The following CHCHD3 variants were observed in gnomAD, a reference collection of about 807,000 sequenced individuals.
CHCHD3 encodes the protein MICOS complex subunit MIC19.
CHCHD3 carries 20 observed loss-of-function variants against 38.2 expected under a neutral mutation model. The ratio of observed to expected loss-of-function variants is 0.52; its 90% CI spans 0.37 to 0.76. The LOEUF (loss-of-function observed/expected upper bound fraction) is 0.76, where lower values mean the gene tolerates loss of function less well. Among genes scored for constraint, CHCHD3 ranks in the 30% least tolerant of loss-of-function variants. The pLI, the probability that CHCHD3 is intolerant of heterozygous loss-of-function variation, is 0.00. For missense variants in CHCHD3, 245 were observed against 279.2 expected, an observed-to-expected ratio of 0.88 and a Z score of 0.87; for synonymous variants, 82 against 100.0, an observed-to-expected ratio of 0.82 and a Z score of 1.07.
chr7:132,912,840 C>T (rs541580737), intron 4 of CHCHD3, among the ~76,000 whole-genome samples: 5 of 152,362 alleles, frequency 3.3e-5, no homozygotes, highest in African/African-American at 1.2e-4. Context: ...CAGGCATGAG[C>T]CACTGCGCCC....
rs1317738736 is a variant in CHCHD3, at chr7:132,875,308, C to T, written c.453+10354G>A. 3.3e-5 allele frequency among the ~76,000 whole-genome samples: 5 copies of T among 152,216 alleles called. No individual in the cohort carries two copies. In the South Asian group the frequency reaches 6.2e-4, roughly 19 times the overall value. ...CCATGGAACCCACCCCATTCCTGGA[C>T]GAACACATTAATTTTAAAAAAATTT... On this transcript the variant is annotated intron_variant, in intron 5 of 7. Transcript: ENST00000262570.
At chr7:132,988,297 A>C (rs1384688120) in intron 3 of CHCHD3, among the ~76,000 whole-genome samples, 5 of 134,096 alleles carry the variant, frequency 3.7e-5, no homozygotes, top group African/African-American at 1.0e-4. Flanking sequence ...ACACACACAC[A>C]CACCCACACA....
Position 132,811,950 on chromosome 7 carries a change from A to T in CHCHD3, c.525-15373T>A, listed in dbSNP as rs570357972. Among the ~76,000 whole-genome samples the T allele has an allele frequency of 2.0e-5, 3 of 152,248 alleles. No homozygotes were observed. In the South Asian group the frequency reaches 6.2e-4, roughly 32 times the overall value. Reference sequence around the variant, plus strand: ...TTTGTATCTCTAGCCCAGCCCTCTTATAGGTGACTGACTATTGCTATTTAC... The same window carrying T: ...TTTGTATCTCTAGCCCAGCCCTCTTTTAGGTGACTGACTATTGCTATTTAC... On this transcript the variant is annotated intron_variant, in intron 6 of 7. Transcript: ENST00000262570.
In CHCHD3 at chr7:132,785,605, C is replaced by T. The variant is rs372788450; in HGVS notation, c.*32G>A. The T allele has an allele frequency of 4.2e-5, 67 of 1,611,154 alleles. No homozygotes were observed. Among genetic ancestry groups the T allele is most frequent in the Middle Eastern group, 1.7e-4 (1 of 6,008 alleles). ...AAAAATGTTCCATCTCTGGAATTAACGTTGATGGTGTTTTGCTCATTCTGA... is the reference window on the plus strand; with the variant it reads ...AAAAATGTTCCATCTCTGGAATTAATGTTGATGGTGTTTTGCTCATTCTGA... On this transcript the variant is annotated 3_prime_UTR_variant, in exon 8 of 8. Transcript: ENST00000262570.
chr7:132,989,064 C>A (rs1402444536), intron 3 of CHCHD3, among the ~76,000 whole-genome samples: 1 of 152,066 alleles, frequency 6.6e-6, no homozygotes. Flanking sequence ...GGAGGAAGTA[C>A]ACCAGTTATA....
chr7:133,058,865 T>G (rs955476471), intron 2 of CHCHD3, among the ~76,000 whole-genome samples: 3 of 151,708 alleles, frequency 2.0e-5, no homozygotes, highest in African/African-American at 7.3e-5. Context: ...ATTCTAGAGG[T>G]TTTCTTAGCT....
intron 4 of CHCHD3, among the ~76,000 whole-genome samples, chr7:132,887,458 T>G (rs762635364): frequency 6.6e-6 from 1 of 150,692 alleles, no homozygotes; most frequent in African/African-American, 2.4e-5. Context: ...TGAAAAAGAA[T>G]AGACTCATAA....
At chr7:132,795,954 C>T (rs1302537686) in intron 7 of CHCHD3, among the ~76,000 whole-genome samples, 2 of 152,114 alleles carry the variant, frequency 1.3e-5, no homozygotes, top group Non-Finnish European at 2.9e-5. Flanking sequence ...CTCTGGTTTC[C>T]CTTTCCCTGT....
At chr7:133,038,432 T>C (rs1241973720) in intron 2 of CHCHD3, among the ~76,000 whole-genome samples, 2 of 152,152 alleles carry the variant, frequency 1.3e-5, no homozygotes, top group Non-Finnish European at 1.5e-5. Context: ...TCAAAGTGTC[T>C]CCAAAAGGAT....
chr7:132,981,232 T>C (rs1031479300), intron 3 of CHCHD3, among the ~76,000 whole-genome samples: 1 of 151,974 alleles, frequency 6.6e-6, no homozygotes, highest in Non-Finnish European at 1.5e-5. Flanking sequence ...TCAAGTGGTC[T>C]TGAACTGGGC....
chr7:133,070,287 G>T, intron 1 of CHCHD3, 58 bp from the exon 2 acceptor site: 1 of 1,396,872 alleles, frequency 7.2e-7, no homozygotes, highest in Non-Finnish European at 1.0e-6. Context: ...AAAAACCAGT[G>T]CAATAACATC....
chr7:132,898,706 T>C (rs1809579197), intron 4 of CHCHD3, among the ~76,000 whole-genome samples: 1 of 152,108 alleles, frequency 6.6e-6, no homozygotes, highest in East Asian at 1.9e-4. Flanking sequence ...ACGGAGCGGG[T>C]GGGAGGCTCA....
At chr7:132,995,864 T>C (rs558708111) in intron 3 of CHCHD3, among the ~76,000 whole-genome samples, 9 of 152,316 alleles carry the variant, frequency 5.9e-5, no homozygotes, top group African/African-American at 2.2e-4. Context: ...ACCAATAATA[T>C]TATAATAGCT....
chr7:133,034,724 C>T lies in CHCHD3; in HGVS notation c.170-10097G>A, dbSNP rs150200340. ...CCTCTCTGCCAGGATCCAGTTTCCG[C>T]CATGTGTATGACTCGTAGTCCACCT... On this transcript the variant is annotated intron_variant, in intron 2 of 7. Coordinates refer to ENST00000262570, the MANE Select transcript of CHCHD3 (RefSeq NM_017812.4). 2,677 of 1,613,478 alleles carry T rather than the reference C, an allele frequency of 1.7e-3. 41 individuals carry two copies. The African/African-American group carries it at 0.031, about 19-fold the overall frequency.
At chr7:132,985,569 T>G (rs1316872273) in intron 3 of CHCHD3, among the ~76,000 whole-genome samples, 88 of 37,232 alleles carry the variant, frequency 2.4e-3, no homozygotes, top group African/African-American at 2.8e-3. Context: ...TCAGCCCCCC[T>G]CCCGGCCAGC....
At chr7:132,951,857 G>T (rs1040714508) in intron 4 of CHCHD3, among the ~76,000 whole-genome samples, 2 of 152,138 alleles carry the variant, frequency 1.3e-5, no homozygotes, top group African/African-American at 4.8e-5. Flanking sequence ...GAGGTGACTA[G>T]CTAAACATCA....
intron 5 of CHCHD3, among the ~76,000 whole-genome samples, chr7:132,850,450 G>GTT (rs75016148): frequency 7.5e-6 from 1 of 132,964 alleles, no homozygotes; most frequent in Admixed American, 7.6e-5. Context: ...TTTTTTTTTT[G>GTT]TTTTTTTTTT....
At chr7:133,002,133 C>A (rs2117392709) in intron 3 of CHCHD3, among the ~76,000 whole-genome samples, 1 of 152,308 alleles carries the variant, frequency 6.6e-6, no homozygotes, top group African/African-American at 2.4e-5. Flanking sequence ...CCTAGGACCA[C>A]ACTCTTAACC....
At chr7:132,790,517 C>A (rs1001867635) in intron 7 of CHCHD3, among the ~76,000 whole-genome samples, 7 of 152,128 alleles carry the variant, frequency 4.6e-5, no homozygotes, top group Non-Finnish European at 8.8e-5. Context: ...TTGCTTTGAT[C>A]TGACTCTAAA....
Sources: gnomAD v4.1 joint callset for allele counts (sites outside exome capture counted in the v4.1 genomes callset) on GRCh38, gnomAD v4.1.1 for gene constraint, MANE v1.5 for transcripts, NCBI Gene and HGNC (gene_info 2026-07-23, HGNC 2026-07-21) for gene names.